NTSR1: variants seen among roughly 807,000 people sequenced by gnomAD.
NTSR1 encodes the protein neurotensin receptor type 1.
Under a neutral mutation model 31.2 loss-of-function variants are expected in NTSR1, and 29 were observed. That is an observed-to-expected ratio of 0.93 (90% CI 0.69 to 1.27). The LOEUF is 1.27. NTSR1 is among the 50% of genes most tolerant of loss of function. NTSR1 has a pLI of 0.00. For synonymous variants in NTSR1, 282 were observed against 269.9 expected, an observed-to-expected ratio of 1.04 and a Z score of -0.44; for missense variants, 697 against 595.4, an observed-to-expected ratio of 1.17 and a Z score of -1.78.
chr20:62,730,444 G>A (rs907687565), intron 1 of NTSR1, among the ~76,000 whole-genome samples: 5 of 152,100 alleles, frequency 3.3e-5, no homozygotes, highest in Admixed American at 6.5e-5. Flanking sequence ...TTCTTTTTAC[G>A]GCTGAATAAT....
intron 1 of NTSR1, among the ~76,000 whole-genome samples, chr20:62,728,775 TCCA>T (rs1988954550): frequency 1.3e-5 from 2 of 152,156 alleles, no homozygotes. Flanking sequence ...CAGAGGCACG[TCCA>T]CCAGGTCACC....
At chr20:62,734,518 CT>C (rs1989052913) in intron 1 of NTSR1, among the ~76,000 whole-genome samples, 1 of 152,208 alleles carries the variant, frequency 6.6e-6, no homozygotes, top group African/African-American at 2.4e-5. Flanking sequence ...GACCTGGAGG[CT>C]CTGGGTTCTC....
At chr20:62,712,042 C>A (rs1171141873) in intron 1 of NTSR1, among the ~76,000 whole-genome samples, 12 of 152,216 alleles carry the variant, frequency 7.9e-5, no homozygotes, top group Non-Finnish European at 1.5e-5. Flanking sequence ...CAGCTGATTA[C>A]AAGGGTGCTC....
rs1723840385 is a variant in NTSR1 at position 62,715,335 on chromosome 20, T to C, written c.714+5414T>C. Among the ~76,000 whole-genome samples, 2 of 152,146 alleles carry C rather than the reference T, an allele frequency of 1.3e-5. No individual in the cohort carries two copies. The highest frequency in any genetic ancestry group is 1.3e-4 in the Admixed American group (2 of 15,290). ...GTGCAGACATGCGGGTCCACCTCTG[T>C]ACCCCGTAACCCCGTTTCCCAGATG... On this transcript the variant is annotated intron_variant, in intron 1 of 3. Coordinates refer to ENST00000370501, the MANE Select transcript of NTSR1 (RefSeq NM_002531.3). The surrounding 1 kb of genome is among the most constrained non-coding windows in gnomAD (Gnocchi z 4.7).
intron 1 of NTSR1, among the ~76,000 whole-genome samples, chr20:62,721,072 C>T (rs748225163): frequency 6.6e-6 from 1 of 152,214 alleles, no homozygotes; most frequent in Non-Finnish European, 1.5e-5. Flanking sequence ...GTGAATGTCA[C>T]ATGCACACTT....
Position 62,753,308 on chromosome 20 carries a change from C to T in NTSR1, c.715-1377C>T, listed in dbSNP as rs1385685915. Among the ~76,000 whole-genome samples, 3 of 152,230 alleles carry T rather than the reference C, an allele frequency of 2.0e-5. No homozygotes were observed. The East Asian group carries it at 5.8e-4, about 29-fold the overall frequency. On this transcript the variant is annotated intron_variant, in intron 1 of 3. Coordinates refer to ENST00000370501, the MANE Select transcript of NTSR1 (RefSeq NM_002531.3). ...TCTCAGTGGCTGCCCTGTCCCATGG[C>T]CACCGCCGCCTTCATTAGCGAGACA... is the stretch of plus-strand genomic sequence containing the variant.
Position 62,732,139 on chromosome 20 carries a change from C to T in NTSR1, c.714+22218C>T, listed in dbSNP as rs1465030854. Among the ~76,000 whole-genome samples, 1 of 148,024 alleles carries T rather than the reference C, an allele frequency of 6.8e-6. No individual in the cohort carries two copies. The highest frequency in any genetic ancestry group is 6.8e-5 in the Admixed American group (1 of 14,780). On this transcript the variant is annotated intron_variant, in intron 1 of 3. Transcript: ENST00000370501. The surrounding 1 kb of genome is among the most constrained non-coding windows in gnomAD (Gnocchi z 4.0). ...CATTTCAAAAAAAAAAAAAAAATTACACTGTACCGATAACTGGGGCTTTAT... is the reference window on the plus strand; with the variant it reads ...CATTTCAAAAAAAAAAAAAAAATTATACTGTACCGATAACTGGGGCTTTAT...
At chr20:62,759,116 C>G (rs1371664734) in intron 3 of NTSR1, among the ~76,000 whole-genome samples, 3 of 152,236 alleles carry the variant, frequency 2.0e-5, no homozygotes. Context: ...GTGGGGCTGC[C>G]AGATCCCAGA....
rs1390025611 is a variant in NTSR1, at chr20:62,760,466, C to T, written c.*199C>T. On this transcript the variant is annotated 3_prime_UTR_variant, in exon 4 of 4. Coordinates refer to ENST00000370501, the MANE Select transcript of NTSR1 (RefSeq NM_002531.3). ...TGTCTCCCGGGCCTGTCCCCAACTCCTCCCCACCCCTCCCCCATCTCCTCT... is the reference window on the plus strand; with the variant it reads ...TGTCTCCCGGGCCTGTCCCCAACTCTTCCCCACCCCTCCCCCATCTCCTCT... 1 of 535,846 alleles carries T rather than the reference C, an allele frequency of 1.9e-6. No homozygotes were observed. The highest frequency in any genetic ancestry group is 3.3e-6 in the Non-Finnish European group (1 of 304,636). 33.2% of individuals were successfully genotyped at this position (535,846 alleles called of 1,614,324 possible). A position where few individuals can be genotyped will look rare whatever the true frequency, so the allele number is the denominator to read the frequency against.
rs146134945 is a variant in NTSR1, at chr20:62,736,780, C to T, written c.715-17905C>T. 6.3e-3 allele frequency among the ~76,000 whole-genome samples: 964 copies of T among 152,376 alleles called. 9 individuals are homozygous for T. The highest frequency in any genetic ancestry group is 0.042 in the South Asian group (204 of 4,824). On this transcript the variant is annotated intron_variant, in intron 1 of 3. Transcript: ENST00000370501. ...TTCGTGATGTGTTTGGCTGTGTCCC[C>T]ACCCAAAATCTCATGGGAATTGTAA...
intron 1 of NTSR1, among the ~76,000 whole-genome samples, chr20:62,728,925 C>A (rs1988956838): frequency 6.6e-6 from 1 of 152,166 alleles, no homozygotes; most frequent in Non-Finnish European, 1.5e-5. Context: ...CTGAAGGAAG[C>A]CGGAGATGCT....
rs967388196 is a variant in NTSR1, at chr20:62,760,119, A to G, written c.1109A>G (p.Asn370Ser). ...ATCCTGTACAACCTCGTCTCTGCCA[A>G]CTTCCGCCACATCTTCCTGGCCACA... ...NPILYNLVSA[N>S]FRHIFLATLA... is the part of the protein sequence containing the mutation. The change falls in exon 4 of 4, where the codon AAC (asparagine) becomes AGC (serine). Residue 370 changes from asparagine to serine, a missense_variant. By Grantham distance (46) the Asn-to-Ser change is conservative. Transcript: ENST00000370501. 3.0e-5 allele frequency: 48 copies of G among 1,614,100 alleles called. No individual in the cohort carries two copies. Among genetic ancestry groups the G allele is most frequent in the Non-Finnish European group, 3.9e-5 (46 of 1,180,020 alleles).
intron 1 of NTSR1, chr20:62,735,452 A>G (rs1989074834): frequency 6.6e-6 from 1 of 152,218 alleles, no homozygotes; most frequent in African/African-American, 2.4e-5. Context: ...TCAAAGCCCA[A>G]CGGCCTTGCA....
chr20:62,721,758 C>G (rs986794705), intron 1 of NTSR1, among the ~76,000 whole-genome samples: 1 of 152,254 alleles, frequency 6.6e-6, no homozygotes, highest in African/African-American at 2.4e-5. Context: ...TCCTGTCACA[C>G]TCTCTAGTTT....
intron 1 of NTSR1, among the ~76,000 whole-genome samples, chr20:62,725,641 G>A (rs766487385): frequency 6.6e-6 from 1 of 152,216 alleles, no homozygotes; most frequent in African/African-American, 2.4e-5. Flanking sequence ...GCTGGTTGGA[G>A]GTGCCAGCTG....
In NTSR1 at chr20:62,732,003, C is replaced by G. The variant is rs1450752299; in HGVS notation, c.714+22082C>G. Among the ~76,000 whole-genome samples, 1 of 152,016 alleles carries G rather than the reference C, an allele frequency of 6.6e-6. No homozygotes were observed. Among genetic ancestry groups the G allele is most frequent in the Non-Finnish European group, 1.5e-5 (1 of 68,014 alleles). On this transcript the variant is annotated intron_variant, in intron 1 of 3. Coordinates refer to ENST00000370501, the MANE Select transcript of NTSR1 (RefSeq NM_002531.3). This position sits in a 1 kb window ranked among gnomAD's most constrained non-coding sequence, Gnocchi z 4.0. ...GGTATGGTGGCAGGTGCCTGAAATC[C>G]CAAGTACTCAAGAGGCTGAGGCAGG...
In NTSR1 at chr20:62,733,519, G is replaced by A. The variant is rs775547916; in HGVS notation, c.715-21166G>A. Among the ~76,000 whole-genome samples, 1 of 152,170 alleles carries A rather than the reference G, an allele frequency of 6.6e-6. No individual in the cohort carries two copies. The highest frequency in any genetic ancestry group is 2.4e-5 in the African/African-American group (1 of 41,438). On this transcript the variant is annotated intron_variant, in intron 1 of 3. Transcript: ENST00000370501. This position sits in a 1 kb window ranked among gnomAD's most constrained non-coding sequence, Gnocchi z 5.2. The stretch of plus-strand genomic sequence containing the variant: ...GGTTCTAGAAAGTTCTGGAAAGCTC[G>A]GCTGTGGCTGACTCCTGGCTTAGGG...
intron 2 of NTSR1, chr20:62,756,675 A>G (rs1377499659): frequency 1.3e-5 from 2 of 152,268 alleles, no homozygotes; most frequent in African/African-American, 2.4e-5. Flanking sequence ...GGCAACGCCC[A>G]TCCTATCGGA....
At position 62,745,424 on chromosome 20, in the gene NTSR1, G is replaced by C. The variant is rs1364851202; in HGVS notation, c.715-9261G>C. On this transcript the variant is annotated intron_variant, in intron 1 of 3. Coordinates refer to ENST00000370501, the MANE Select transcript of NTSR1 (RefSeq NM_002531.3). The surrounding 1 kb of genome is among the most constrained non-coding windows in gnomAD (Gnocchi z 4.1). ...ACACAGACTCAGGAAAACAGACAGA[G>C]AGAGACACAGGAGAACAGAGACACA... 1.3e-5 allele frequency among the ~76,000 whole-genome samples: 2 copies of C among 151,738 alleles called. No homozygotes were observed. Among genetic ancestry groups the C allele is most frequent in the South Asian group, 2.1e-4 (1 of 4,796 alleles).
Sources: allele counts gnomAD v4.1 joint callset (sites outside exome capture counted in the v4.1 genomes callset), GRCh38; gene constraint gnomAD v4.1.1; non-coding constraint Gnocchi (gnomAD v3.1); transcripts MANE v1.5; gene names NCBI Gene and HGNC (gene_info 2026-07-23, HGNC 2026-07-21).